The following ASTN2 variants were observed in gnomAD, a reference collection of about 807,000 sequenced individuals.
ASTN2 encodes the protein astrotactin 2, also known as astrotactin-2.
ASTN2 carries 54 observed loss-of-function variants against 139.8 expected under a neutral mutation model. The ratio of observed to expected loss-of-function variants is 0.39; its 90% CI spans 0.31 to 0.48. ASTN2 has a LOEUF of 0.48. ASTN2 is among the 20% of genes least tolerant of loss of function. The pLI, the probability that ASTN2 is intolerant of heterozygous loss-of-function variation, is 0.95. For missense variants in ASTN2, 1,565 were observed against 1,725.1 expected, an observed-to-expected ratio of 0.91 and a Z score of 1.64; for synonymous variants, 756 against 719.5, an observed-to-expected ratio of 1.05 and a Z score of -0.81.
At chr9:116,923,062 T>C (rs1834658175) in intron 10 of ASTN2, among the ~76,000 whole-genome samples, 1 of 152,166 alleles carries the variant, frequency 6.6e-6, no homozygotes, top group Non-Finnish European at 1.5e-5. Context: ...GGTTCAACAA[T>C]GCCACTTTAC....
intron 2 of ASTN2, among the ~76,000 whole-genome samples, chr9:117,260,587 G>C (rs1833799225): frequency 6.6e-6 from 1 of 152,124 alleles, no homozygotes; most frequent in Non-Finnish European, 1.5e-5. Flanking sequence ...AAAATCAAAA[G>C]GTCAGAAATT....
chr9:117,034,786 A>G (rs1349915591), intron 6 of ASTN2, among the ~76,000 whole-genome samples: 1 of 152,112 alleles, frequency 6.6e-6, no homozygotes, highest in Non-Finnish European at 1.5e-5. Flanking sequence ...AACATGTTCC[A>G]TTTCTTCAGT....
Position 116,847,117 on chromosome 9 carries a change from T to G in ASTN2, c.2040+16466A>C, listed in dbSNP as rs551966320. Among the ~76,000 whole-genome samples, 6 of 152,076 alleles carry G rather than the reference T, an allele frequency of 3.9e-5. No homozygotes were observed. The South Asian group carries it at 1.2e-3, about 32-fold the overall frequency. On this transcript the variant is annotated intron_variant, in intron 11 of 22. Coordinates refer to ENST00000313400, the MANE Select transcript of ASTN2 (RefSeq NM_001365068.1). ...CACATTCTTATAGTTCTCAAGGTTT[T>G]GTTTTGTTTTGTTTTTTGAGATGGA...
intron 6 of ASTN2, among the ~76,000 whole-genome samples, chr9:117,020,347 T>G (rs1837841687): frequency 6.6e-6 from 1 of 151,980 alleles, no homozygotes; most frequent in South Asian, 2.1e-4. Context: ...ATTGCTTTTT[T>G]TTTTTTGGTC....
chr9:116,698,866 T>G lies in ASTN2; in HGVS notation c.2806+26905A>C, dbSNP rs886044107. 7 of 1,614,100 alleles carry G rather than the reference T, an allele frequency of 4.3e-6. No homozygotes were observed. Among genetic ancestry groups the G allele is most frequent in the Middle Eastern group, 1.6e-4 (1 of 6,084 alleles). ...ACTCCAGGAATGTTCAATCTTCCAG[T>G]CAGTCTCTACGTGACCAGTCAAGGT... On this transcript the variant is annotated intron_variant, in intron 16 of 22. Coordinates refer to ENST00000313400, the MANE Select transcript of ASTN2 (RefSeq NM_001365068.1). This position sits in a 1 kb window ranked among gnomAD's most constrained non-coding sequence, Gnocchi z 4.4.
chr9:116,935,189 A>G (rs150206668), intron 10 of ASTN2, among the ~76,000 whole-genome samples: 573 of 152,350 alleles, frequency 3.8e-3, no homozygotes, highest in Middle Eastern at 0.017. Context: ...AATAGATAGC[A>G]GACTGAATTC....
At chr9:117,405,399 C>T (rs951010167) in intron 1 of ASTN2, among the ~76,000 whole-genome samples, 2 of 152,198 alleles carry the variant, frequency 1.3e-5, no homozygotes, top group Non-Finnish European at 2.9e-5. Context: ...CTACATCTGT[C>T]CTTCAGCACT....
At chr9:117,347,141 T>C (rs758572165) in intron 1 of ASTN2, among the ~76,000 whole-genome samples, 4 of 151,860 alleles carry the variant, frequency 2.6e-5, no homozygotes, top group Non-Finnish European at 5.9e-5. Context: ...GAAAATATAA[T>C]GGGAGTGAGG....
chr9:117,185,436 C>T (rs770383525), intron 3 of ASTN2, among the ~76,000 whole-genome samples: 5 of 152,152 alleles, frequency 3.3e-5, no homozygotes, highest in Non-Finnish European at 5.9e-5. Flanking sequence ...TTCACAGATG[C>T]GTGCTTTAGT....
intron 7 of ASTN2, among the ~76,000 whole-genome samples, chr9:117,007,320 T>C (rs1837385114): frequency 6.6e-6 from 1 of 152,188 alleles, no homozygotes. Flanking sequence ...ACCTGCTTGT[T>C]TGACCACTGC....
chr9:116,660,168 G>GCACACACACACACACA (rs3041004), intron 16 of ASTN2, among the ~76,000 whole-genome samples: 2 of 146,686 alleles, frequency 1.4e-5, no homozygotes, highest in East Asian at 4.1e-4. Context: ...TATTGCAAGC[G>GCACACACACACACACA]CACACACACA....
At chr9:116,703,330 G>GT (rs1044146623) in intron 16 of ASTN2, among the ~76,000 whole-genome samples, 1 of 149,960 alleles carries the variant, frequency 6.7e-6, no homozygotes, top group South Asian at 2.1e-4. Context: ...GGGGTTGTTT[G>GT]TTTTTTTCTT....
chr9:116,913,004 A>C lies in ASTN2; in HGVS notation c.1890-49271T>G, dbSNP rs187421173. ...CGGCAACCTCTGCCTCCTGGGTTTA[A>C]GTGATTCTCCTGCCTCAGCCTCCCA... On this transcript the variant is annotated intron_variant, in intron 10 of 22. Coordinates refer to ENST00000313400, the MANE Select transcript of ASTN2 (RefSeq NM_001365068.1). 3.5e-4 allele frequency among the ~76,000 whole-genome samples: 54 copies of C among 152,128 alleles called. 1 individual carries two copies. The East Asian group carries it at 9.9e-3, about 28-fold the overall frequency.
intron 17 of ASTN2, among the ~76,000 whole-genome samples, chr9:116,638,240 C>T (rs1206761007): frequency 6.6e-6 from 1 of 152,146 alleles, no homozygotes; most frequent in Non-Finnish European, 1.5e-5. Context: ...CTTTACTCAG[C>T]ACTTATTACG....
intron 11 of ASTN2, among the ~76,000 whole-genome samples, chr9:116,841,366 GGAAA>G (rs1167450744): frequency 1.3e-5 from 2 of 152,058 alleles, no homozygotes; most frequent in Admixed American, 6.5e-5. Flanking sequence ...GGGAGACCGT[GGAAA>G]GAGAGGGAGA....
At chr9:117,177,921 G>A (rs1830958704) in intron 3 of ASTN2, among the ~76,000 whole-genome samples, 2 of 152,026 alleles carry the variant, frequency 1.3e-5, no homozygotes, top group African/African-American at 4.8e-5. Flanking sequence ...CTCTACAAGG[G>A]CTTCACACTT....
At chr9:117,264,591 G>A (rs183819694) in intron 2 of ASTN2, among the ~76,000 whole-genome samples, 81 of 152,196 alleles carry the variant, frequency 5.3e-4, no homozygotes, top group African/African-American at 1.7e-3. Context: ...TCTTACTTCC[G>A]AATATACAAG....
intron 10 of ASTN2, among the ~76,000 whole-genome samples, chr9:116,918,787 C>T (rs1834521829): frequency 6.6e-6 from 1 of 152,118 alleles, no homozygotes; most frequent in South Asian, 2.1e-4. Flanking sequence ...GTTGTATAGA[C>T]ATATGATTAC....
At chr9:117,349,122 T>G (rs1319312859) in intron 1 of ASTN2, among the ~76,000 whole-genome samples, 1 of 152,184 alleles carries the variant, frequency 6.6e-6, no homozygotes, top group Admixed American at 6.5e-5. Context: ...GATTTTATCT[T>G]CTGTCCTCAA....
Sources: allele counts gnomAD v4.1 joint callset (sites outside exome capture counted in the v4.1 genomes callset), GRCh38; gene constraint gnomAD v4.1.1; non-coding constraint Gnocchi (gnomAD v3.1); transcripts MANE v1.5; gene names NCBI Gene and HGNC (gene_info 2026-07-23, HGNC 2026-07-21).